Variants in BCAP29 observed in about 807,000 individuals in gnomAD.
BCAP29 encodes the protein B cell receptor associated protein 29.
In BCAP29, 34 loss-of-function variants were observed where a neutral mutation model predicts 31.8. The observed-to-expected ratio is 1.07, with a 90% CI of 0.81 to 1.42. BCAP29 has a LOEUF of 1.42. BCAP29 is among the 40% of genes most tolerant of loss of function. The pLI, the probability that BCAP29 is intolerant of heterozygous loss-of-function variation, is 0.00. For missense variants in BCAP29, 314 were observed against 269.2 expected, an observed-to-expected ratio of 1.17 and a Z score of -1.16; for synonymous variants, 104 against 91.3, an observed-to-expected ratio of 1.14 and a Z score of -0.79.
At chr7:107,581,614 A>G (rs1041169422) in intron 2 of BCAP29, among the ~76,000 whole-genome samples, 2 of 152,196 alleles carry the variant, frequency 1.3e-5, no homozygotes, top group Admixed American at 1.3e-4. Flanking sequence ...ATTGCAAGAT[A>G]TTTGTTCATA....
intron 5 of BCAP29, among the ~76,000 whole-genome samples, chr7:107,597,351 T>C (rs1000380425): frequency 4.1e-4 from 62 of 152,160 alleles, no homozygotes; most frequent in African/African-American, 1.4e-3. Context: ...GCTGGGATTA[T>C]AGGCAAGAGT....
At chr7:107,583,402 C>G (rs564562948) in intron 2 of BCAP29, among the ~76,000 whole-genome samples, 3 of 152,146 alleles carry the variant, frequency 2.0e-5, no homozygotes, top group African/African-American at 7.2e-5. Flanking sequence ...ATAATTCCCT[C>G]ATGGTTAAAG....
At chr7:107,582,974 G>C (rs1245795054) in intron 2 of BCAP29, among the ~76,000 whole-genome samples, 5 of 152,078 alleles carry the variant, frequency 3.3e-5, no homozygotes, top group Non-Finnish European at 7.4e-5. Context: ...ATTTCAAGTA[G>C]TTACTTGAAG....
intron 5 of BCAP29, among the ~76,000 whole-genome samples, chr7:107,599,227 TTA>T (rs1554477131): frequency 6.5e-5 from 4 of 61,634 alleles, no homozygotes; most frequent in African/African-American, 1.1e-4. Flanking sequence ...ATATACATAA[TTA>T]TATATATTTA....
intron 2 of BCAP29, 98 bp from the exon 3 acceptor site, chr7:107,583,784 T>A: frequency 1.9e-6 from 1 of 517,330 alleles, no homozygotes. Flanking sequence ...AATTTTCACT[T>A]GCTACACAAT....
chr7:107,618,678 A>T lies in BCAP29; in HGVS notation c.*315A>T. On this transcript the variant is annotated 3_prime_UTR_variant, in exon 8 of 8. Coordinates refer to ENST00000005259, the MANE Select transcript of BCAP29 (RefSeq NM_018844.4). ...TCATTAACCGGTTGCTTCCAAAATTAGAAGTTTTAAGTTGCATGAAACCAT... is the reference window on the plus strand; with the variant it reads ...TCATTAACCGGTTGCTTCCAAAATTTGAAGTTTTAAGTTGCATGAAACCAT... 1 of 1,204,636 alleles carries T rather than the reference A, an allele frequency of 8.3e-7. No homozygotes were observed. Among genetic ancestry groups the T allele is most frequent in the East Asian group, 2.4e-5 (1 of 41,502 alleles). 74.6% of individuals were successfully genotyped at this position (1,204,636 alleles called of 1,614,324 possible).
chr7:107,594,571 G>A (rs1303374335), intron 4 of BCAP29, among the ~76,000 whole-genome samples: 5 of 151,900 alleles, frequency 3.3e-5, no homozygotes, highest in East Asian at 3.9e-4. Flanking sequence ...GCGCGATCTC[G>A]GCTCACTGCA....
intron 5 of BCAP29, among the ~76,000 whole-genome samples, chr7:107,599,181 A>G (rs1288023631): frequency 1.0e-5 from 1 of 97,842 alleles, no homozygotes; most frequent in Non-Finnish European, 2.0e-5. Context: ...ATATATTAAA[A>G]TTTATATGTA....
intron 7 of BCAP29, 59 bp from the exon 8 acceptor site, chr7:107,618,269 A>G (rs201278251): frequency 6.5e-6 from 8 of 1,233,346 alleles, no homozygotes; most frequent in South Asian, 1.7e-5. Context: ...AGTCCTTGTC[A>G]TGTCTATGAA....
At chr7:107,583,733 T>C (rs1807122623) in intron 2 of BCAP29, 149 bp from the exon 3 acceptor site, 3 of 445,282 alleles carry the variant, frequency 6.7e-6, no homozygotes, top group Non-Finnish European at 1.2e-5. Flanking sequence ...TGAGATATTC[T>C]GTCATGTCAG....
chr7:107,601,885 CAA>C (rs1289570605), intron 6 of BCAP29, among the ~76,000 whole-genome samples: 2 of 152,126 alleles, frequency 1.3e-5, no homozygotes, highest in Admixed American at 6.5e-5. Context: ...AAAAGATAGA[CAA>C]GAGTGTATGT....
At chr7:107,616,902 C>A (rs529855385) in intron 7 of BCAP29, among the ~76,000 whole-genome samples, 52 of 152,254 alleles carry the variant, frequency 3.4e-4, no homozygotes, top group African/African-American at 1.1e-3. Context: ...CCATGCGCAG[C>A]TAAGTTGGGT....
At position 107,594,095 on chromosome 7, in the gene BCAP29, T is replaced by A. The variant is rs1809366765; in HGVS notation, c.334T>A (p.Phe112Ile). ...TCTTTACATTTCTGGATTTTCCCTA[T>A]TTTTTTGGCTGTAAGTAAAAAATAA... ...RNLYISGFSL[F>I]FWLVLRRLVT... is the part of the protein sequence containing the mutation. The change falls in exon 4 of 8, where the codon TTT (phenylalanine) becomes ATT (isoleucine). Residue 112 changes from phenylalanine (F) to isoleucine (I), a missense_variant. Transcript: ENST00000005259. The A allele has an allele frequency of 6.2e-7, 1 of 1,605,258 alleles. No individual in the cohort carries two copies. Among genetic ancestry groups the A allele is most frequent in the Admixed American group, 1.7e-5 (1 of 58,584 alleles).
chr7:107,606,772 A>C (rs889664214), intron 6 of BCAP29, among the ~76,000 whole-genome samples: 2 of 152,212 alleles, frequency 1.3e-5, no homozygotes, highest in Admixed American at 1.3e-4. Context: ...AGAAATTAGC[A>C]TGTTCTTTTC....
Position 107,620,098 on chromosome 7 carries a change from G to A in BCAP29, c.*1735G>A, listed in dbSNP as rs1814795705. ...GAAGATTTGAAAGATTCCCAAAAAA[G>A]CATTTTAAAGTTTACATTTAAGGGA... is the stretch of plus-strand genomic sequence containing the variant. On this transcript the variant is annotated 3_prime_UTR_variant, in exon 8 of 8. Transcript: ENST00000005259. 1 of 152,154 alleles carries A rather than the reference G, an allele frequency of 6.6e-6. No homozygotes were observed. The highest frequency in any genetic ancestry group is 2.1e-4 in the South Asian group (1 of 4,828). The allele number at this position is 152,154 out of a possible 1,614,324, so 9.4% of individuals were successfully genotyped here. A position where few individuals can be genotyped will look rare whatever the true frequency, so the allele number is the denominator to read the frequency against.
intron 3 of BCAP29, among the ~76,000 whole-genome samples, chr7:107,590,472 T>C (rs1321394033): frequency 6.6e-6 from 1 of 152,296 alleles, no homozygotes; most frequent in Middle Eastern, 3.4e-3. Context: ...GGCTTAAAGA[T>C]TGCAAAGAAA....
chr7:107,599,310 T>TATATAA (rs1810675531), intron 5 of BCAP29, among the ~76,000 whole-genome samples: 1 of 20,484 alleles, frequency 4.9e-5, no homozygotes, highest in African/African-American at 1.5e-4. Flanking sequence ...ATATAAATTT[T>TATATAA]ATATATATAT....
chr7:107,613,558 T>G, intron 7 of BCAP29, 126 bp downstream of exon 7: 1 of 1,384,458 alleles, frequency 7.2e-7, no homozygotes, highest in Non-Finnish European at 1.0e-6. Context: ...GTTAAACGAT[T>G]TAAAGAAGCC....
chr7:107,596,601 AT>A (rs1809860768), intron 5 of BCAP29, among the ~76,000 whole-genome samples: 1 of 152,204 alleles, frequency 6.6e-6, no homozygotes, highest in Non-Finnish European at 1.5e-5. Context: ...GCAGCCTTGT[AT>A]TTATAGAACA....
Sources: allele counts gnomAD v4.1 joint callset (sites outside exome capture counted in the v4.1 genomes callset), GRCh38; gene constraint gnomAD v4.1.1; transcripts MANE v1.5; gene names NCBI Gene and HGNC (gene_info 2026-07-23, HGNC 2026-07-21).